The following MTR variants were observed in gnomAD, a reference collection of about 807,000 sequenced individuals.
MTR encodes 5-methyltetrahydrofolate-homocysteine methyltransferase, also known as methionine synthase.
A neutral mutation model predicts 154.8 loss-of-function variants in MTR; 84 were observed. The observed-to-expected ratio is 0.54, with a 90% CI of 0.45 to 0.65. The LOEUF (loss-of-function observed/expected upper bound fraction) is 0.65, where lower values mean the gene tolerates loss of function less well. MTR is among the 30% of genes least tolerant of loss of function. The pLI, the probability that MTR is intolerant of heterozygous loss-of-function variation, is 0.00. For synonymous variants in MTR, 554 were observed against 553.9 expected, an observed-to-expected ratio of 1.00 and a Z score of 0.00; for missense variants, 1,275 against 1,570.2, an observed-to-expected ratio of 0.81 and a Z score of 3.18.
chr1:236,817,532 A>T (rs1240086808), intron 8 of MTR, among the ~76,000 whole-genome samples: 1 of 152,140 alleles, frequency 6.6e-6, no homozygotes, highest in East Asian at 1.9e-4. Context: ...TGAATTCTTT[A>T]ATTCTGGCAA....
At chr1:236,834,664 G>T (rs1662802644) in intron 13 of MTR, among the ~76,000 whole-genome samples, 1 of 151,042 alleles carries the variant, frequency 6.6e-6, no homozygotes, top group African/African-American at 2.4e-5. Flanking sequence ...ATCTACTATT[G>T]ATTTTATCCT....
chr1:236,861,079 T>TTTTC (rs763461107), intron 19 of MTR, 46 bp from the exon 20 acceptor site: 6 of 1,496,892 alleles, frequency 4.0e-6, no homozygotes, highest in Non-Finnish European at 3.6e-6. Context: ...GTGATTTTTT[T>TTTTC]TTTCTTTCTT....
At chr1:236,860,069 GCCCCCCCCCCCCC>G (rs59525673) in intron 19 of MTR, 147 bp downstream of exon 19, 1 of 292,752 alleles carries the variant, frequency 3.4e-6, no homozygotes, top group South Asian at 2.2e-5. Context: ...TCCCCCAGCT[GCCCCCCCCCCCCC>G]CCCCCCCCAC....
In MTR at chr1:236,850,353, A is replaced by G. The variant is rs762838211; in HGVS notation, c.1525A>G (p.Thr509Ala). The change falls in exon 16 of 33, where the codon ACA becomes GCA. Residue 509 changes from threonine (T) to alanine (A), a missense_variant. Coordinates refer to ENST00000366577, the MANE Select transcript of MTR (RefSeq NM_000254.3). ...TTGCTCTTTTCCCTAGGCAACAGAA[A>G]CAGACACAAAAATCAGAGTGTGCAC... ...AFDEEGQATE[T>A]DTKIRVCTRA... 1.2e-6 allele frequency: 2 copies of G among 1,613,150 alleles called. No individual in the cohort carries two copies. Among genetic ancestry groups the G allele is most frequent in the South Asian group, 2.2e-5 (2 of 90,978 alleles).
Position 236,894,444 on chromosome 1 carries a change from G to T in MTR, c.3292G>T (p.Gly1098Cys). The T allele has an allele frequency of 6.2e-7, 1 of 1,614,184 alleles. No homozygotes were observed. Among genetic ancestry groups the T allele is most frequent in the African/African-American group, 1.3e-5 (1 of 75,038 alleles). Residue 1098 changes from glycine (G) to cysteine (C), a missense_variant, in exon 30 of 33, where the codon GGC becomes TGC. Physicochemically the swap from Gly to Cys is radical, Grantham distance 159. Coordinates refer to ENST00000366577, the MANE Select transcript of MTR (RefSeq NM_000254.3). ...PLHSGIRDYL[G>C]LFAVACFGVE... ...GCATTCTGGCATCCGTGACTACCTG[G>T]GCCTGTTTGCCGTTGCCTGCTTTGG...
At chr1:236,876,522 T>C (rs1050440519) in intron 24 of MTR, among the ~76,000 whole-genome samples, 6 of 152,164 alleles carry the variant, frequency 3.9e-5, no homozygotes, top group Admixed American at 3.9e-4. Flanking sequence ...AACTGTGAAG[T>C]AGAATAAATA....
chr1:236,889,491 A>G (rs894568554), intron 28 of MTR, among the ~76,000 whole-genome samples, 155 bp downstream of exon 28: 34 of 152,192 alleles, frequency 2.2e-4, no homozygotes, highest in African/African-American at 7.2e-4. Flanking sequence ...ATGGTTTTCA[A>G]TCTGCTAGAT....
chr1:236,898,644 A>C lies in MTR; in HGVS notation c.*1000A>C, dbSNP rs1425856671. On this transcript the variant is annotated 3_prime_UTR_variant, in exon 33 of 33. Coordinates refer to ENST00000366577, the MANE Select transcript of MTR (RefSeq NM_000254.3). ...TAGCCAGGATGGTCTTGATCTCCCG[A>C]CCTCGTGATCTGCCCACCTCAGCCT... 2 of 151,970 alleles carry C rather than the reference A, an allele frequency of 1.3e-5. No individual in the cohort carries two copies. 9.4% of individuals were successfully genotyped at this position (151,970 alleles called of 1,614,324 possible).
Position 236,886,359 on chromosome 1 carries a change from C to T in MTR, c.2843C>T (p.Pro948Leu). ...TTCCAAATGGATTGGCTGTCTGAAC[C>T]TCACCCAGGTCTGTTTGGCTATGGA... Reference protein sequence around the residue: ...SGFQMDWLSEPHPVKPTFIGT... With the variant: ...SGFQMDWLSELHPVKPTFIGT... Residue 948 changes from proline (P) to leucine (L), a missense_variant, in exon 27 of 33, where the codon CCT becomes CTT. Physicochemically the swap from Pro to Leu is moderately conservative, Grantham distance 98. Transcript: ENST00000366577. The T allele has an allele frequency of 6.2e-7, 1 of 1,614,088 alleles. No homozygotes were observed. Among genetic ancestry groups the T allele is most frequent in the Non-Finnish European group, 8.5e-7 (1 of 1,179,962 alleles).
intron 8 of MTR, among the ~76,000 whole-genome samples, chr1:236,822,282 T>C (rs1662004462): frequency 6.6e-6 from 1 of 151,792 alleles, no homozygotes; most frequent in Non-Finnish European, 1.5e-5. Flanking sequence ...GTTTTGGTGC[T>C]AGTGTAAATG....
chr1:236,862,198 G>C, intron 20 of MTR, 38 bp from the exon 21 acceptor site: 1 of 1,561,280 alleles, frequency 6.4e-7, no homozygotes. Flanking sequence ...TGTTCCTGTG[G>C]TTTGGGAAAG....
chr1:236,814,775 G>A (rs578188379), intron 6 of MTR, among the ~76,000 whole-genome samples: 1 of 152,138 alleles, frequency 6.6e-6, no homozygotes, highest in South Asian at 2.1e-4. Flanking sequence ...CCATTTTCCA[G>A]AACTTTCATG....
chr1:236,844,727 C>T (rs1261170011), intron 15 of MTR, among the ~76,000 whole-genome samples: 1 of 152,024 alleles, frequency 6.6e-6, no homozygotes, highest in Non-Finnish European at 1.5e-5. Flanking sequence ...GATCTGCAGG[C>T]ATGCTGGTTG....
intron 16 of MTR, among the ~76,000 whole-genome samples, chr1:236,850,796 C>A (rs1180416956): frequency 1.3e-5 from 2 of 152,118 alleles, no homozygotes; most frequent in African/African-American, 4.8e-5. Context: ...CACGCCAGTG[C>A]GCTCTAGCCT....
At chr1:236,815,292 A>G (rs1661523233) in intron 6 of MTR, among the ~76,000 whole-genome samples, 1 of 152,144 alleles carries the variant, frequency 6.6e-6, no homozygotes, top group South Asian at 2.1e-4. Flanking sequence ...CAGCCTCCTG[A>G]GTGTTACTTA....
intron 22 of MTR, among the ~76,000 whole-genome samples, chr1:236,873,062 C>A (rs376650088): frequency 2.6e-5 from 4 of 152,302 alleles, no homozygotes; most frequent in African/African-American, 9.6e-5. Context: ...ATAAGCAAAA[C>A]ATGTTATCTC....
intron 30 of MTR, 68 bp from the exon 31 acceptor site, chr1:236,895,290 G>T: frequency 6.6e-7 from 1 of 1,513,030 alleles, no homozygotes; most frequent in Non-Finnish European, 9.0e-7. Flanking sequence ...AATTCAGGGG[G>T]TGGAGGCTGC....
intron 31 of MTR, 146 bp downstream of exon 31, chr1:236,895,696 C>CAATT: frequency 1.4e-6 from 1 of 725,622 alleles, no homozygotes; most frequent in Non-Finnish European, 2.2e-6. Flanking sequence ...TCACTCGTAG[C>CAATT]TATTCTGCAT....
chr1:236,827,517 A>G (rs1363839542), intron 11 of MTR, among the ~76,000 whole-genome samples: 2 of 152,222 alleles, frequency 1.3e-5, no homozygotes, highest in Non-Finnish European at 2.9e-5. Flanking sequence ...ATGATATTCT[A>G]TCCTTAAATA....
Sources: gnomAD v4.1 joint callset for allele counts (sites outside exome capture counted in the v4.1 genomes callset) on GRCh38, gnomAD v4.1.1 for gene constraint, MANE v1.5 for transcripts, NCBI Gene and HGNC (gene_info 2026-07-23, HGNC 2026-07-21) for gene names.